Variants in ZFHX3 observed in about 807,000 individuals in gnomAD.
ZFHX3 encodes zinc finger homeobox 3.
A neutral mutation model predicts 279.1 loss-of-function variants in ZFHX3; 42 were observed. The ratio of observed to expected loss-of-function variants is 0.15; its 90% CI spans 0.12 to 0.19. The LOEUF (loss-of-function observed/expected upper bound fraction) is 0.19, where lower values mean the gene tolerates loss of function less well. Ranked by LOEUF, ZFHX3 falls within the 10% of genes least tolerant of loss-of-function variation. The pLI is 1.00. For missense variants in ZFHX3, 4,981 were observed against 4,754.0 expected (o/e 1.05, Z -1.40); for synonymous variants, 2,293 against 1,957.8 (o/e 1.17, Z -4.52).
At chr16:73,128,520 C>G (rs1053044908) in intron 7 of ZFHX3, among the ~76,000 whole-genome samples, 1 of 152,152 alleles carries the variant, frequency 6.6e-6, no homozygotes, top group African/African-American at 2.4e-5. Context: ...AACTCCAGAG[C>G]ACTTTTTCTT....
intron 4 of ZFHX3, among the ~76,000 whole-genome samples, chr16:73,286,351 A>T (rs1318337469): frequency 2.0e-5 from 3 of 152,214 alleles, no homozygotes; most frequent in Non-Finnish European, 1.5e-5. Context: ...ACAATTCAGA[A>T]CCCTATAGAT....
At chr16:72,992,787 C>T (rs974971516) in intron 1 of ZFHX3, among the ~76,000 whole-genome samples, 6 of 152,328 alleles carry the variant, frequency 3.9e-5, no homozygotes, top group East Asian at 3.9e-4. Context: ...GCCGTGCACA[C>T]GAAACTCATT....
chr16:73,856,058 A>C (rs1371047470), intron 1 of ZFHX3, among the ~76,000 whole-genome samples: 1 of 152,204 alleles, frequency 6.6e-6, no homozygotes, highest in South Asian at 2.1e-4. Flanking sequence ...AGTACCATGG[A>C]AAAATGTTTC....
At chr16:73,659,452 A>T (rs1375751813) in intron 2 of ZFHX3, among the ~76,000 whole-genome samples, 2 of 97,954 alleles carry the variant, frequency 2.0e-5, no homozygotes, top group African/African-American at 8.2e-5. Flanking sequence ...GAAGAACGGT[A>T]GCTTTCTCTC....
At chr16:73,656,002 T>C (rs773203094) in intron 2 of ZFHX3, among the ~76,000 whole-genome samples, 3 of 152,174 alleles carry the variant, frequency 2.0e-5, no homozygotes, top group Non-Finnish European at 2.9e-5. Context: ...TGTAAATAAA[T>C]GTTGGTGTAA....
rs2143382401 is a variant in ZFHX3, at chr16:72,793,624, C to T, written c.9058G>A (p.Glu3020Lys). Residue 3020 changes from glutamate (E) to lysine (K), a missense_variant, in exon 9 of 10, where the codon GAG (glutamate) becomes AAG (lysine). This residue lies in a region of ZFHX3 where 168 missense variants were observed against 249.1 expected (regional missense o/e 0.67). Transcript: ENST00000268489. This position sits in a 1 kb window ranked among gnomAD's most constrained non-coding sequence, Gnocchi z 4.3. Reference sequence around the variant, plus strand: ...AAAGTGCACTCTGTTTTGGGTCCCTCATAACTCGTTTGGTTTATACCAAAA... The same window carrying T: ...AAAGTGCACTCTGTTTTGGGTCCCTTATAACTCGTTTGGTTTATACCAAAA... ...KHFGINQTSY[E>K]GPKTECTLCG... The T allele has an allele frequency of 1.9e-6, 3 of 1,614,164 alleles. No individual in the cohort carries two copies. The highest frequency in any genetic ancestry group is 1.1e-5 in the South Asian group (1 of 91,084).
At chr16:73,678,973 C>A (rs2052983059) in intron 2 of ZFHX3, among the ~76,000 whole-genome samples, 1 of 152,180 alleles carries the variant, frequency 6.6e-6, no homozygotes, top group Non-Finnish European at 1.5e-5. Flanking sequence ...GAATCACCAA[C>A]AGGGATCAAA....
At chr16:73,866,934 G>A (rs564731017) in intron 1 of ZFHX3, among the ~76,000 whole-genome samples, 7 of 152,254 alleles carry the variant, frequency 4.6e-5, no homozygotes, top group East Asian at 3.9e-4. Flanking sequence ...GTTCTTATCC[G>A]CCAACTCCCT....
chr16:73,812,168 A>G (rs1410610685), intron 1 of ZFHX3, among the ~76,000 whole-genome samples: 1 of 152,130 alleles, frequency 6.6e-6, no homozygotes, highest in Non-Finnish European at 1.5e-5. Flanking sequence ...GACATGTCCA[A>G]AGGGCTGTAT....
intron 1 of ZFHX3, among the ~76,000 whole-genome samples, chr16:73,889,030 A>G (rs1248114974): frequency 6.6e-6 from 1 of 152,156 alleles, no homozygotes; most frequent in Non-Finnish European, 1.5e-5. Flanking sequence ...CAAATTGGCA[A>G]TGACTGCCCA....
At chr16:73,696,407 C>T (rs1015106140) in intron 1 of ZFHX3, among the ~76,000 whole-genome samples, 2 of 152,196 alleles carry the variant, frequency 1.3e-5, no homozygotes, top group Admixed American at 1.3e-4. Flanking sequence ...GAAGCTGGCA[C>T]TGTGACACAT....
rs778742848 is a variant in ZFHX3 at position 72,795,806 on chromosome 16, A to G, written c.6876T>C (p.Asn2292=). 1 of 1,614,150 alleles carries G rather than the reference A, an allele frequency of 6.2e-7. No homozygotes were observed. The highest frequency in any genetic ancestry group is 1.7e-5 in the Admixed American group (1 of 60,018). The part of the protein sequence containing the change: ...PTRVIVVWFQ[N]ARQKARKNYE... Reference sequence around the variant, plus strand: ...AATTCTTCCTGGCCTTCTGTCGGGCATTCTGAAACCACACCACTATCACTC... The same window carrying G: ...AATTCTTCCTGGCCTTCTGTCGGGCGTTCTGAAACCACACCACTATCACTC... The change falls in exon 9 of 10, where the codon AAT becomes AAC. Residue 2292 remains asparagine, a synonymous_variant. Coordinates refer to ENST00000268489, the MANE Select transcript of ZFHX3 (RefSeq NM_006885.4).
chr16:73,728,016 C>CCCCT (rs33921286), intron 1 of ZFHX3, among the ~76,000 whole-genome samples: 2 of 4,130 alleles, frequency 4.8e-4, no homozygotes, highest in South Asian at 0.016. Context: ...CCGAATTGTG[C>CCCCT]CCCCCCCCCG....
intron 2 of ZFHX3, among the ~76,000 whole-genome samples, chr16:73,519,951 A>C (rs2019584757): frequency 1.3e-5 from 2 of 152,322 alleles, no homozygotes; most frequent in South Asian, 4.1e-4. Context: ...AAGAAAACTT[A>C]TGCCTGTTTT....
At chr16:73,188,082 T>C (rs770144868) in intron 5 of ZFHX3, among the ~76,000 whole-genome samples, 257 of 152,280 alleles carry the variant, frequency 1.7e-3, no homozygotes, top group Middle Eastern at 3.4e-3. Context: ...AGGATGGTCT[T>C]GATCTCCTGA....
At chr16:73,469,639 A>T (rs1348039959) in intron 2 of ZFHX3, among the ~76,000 whole-genome samples, 2 of 151,086 alleles carry the variant, frequency 1.3e-5, no homozygotes, top group Non-Finnish European at 2.9e-5. Flanking sequence ...TTTTTTTGAG[A>T]CAGAATCTCA....
At chr16:73,444,781 T>TA (rs2143544680) in intron 3 of ZFHX3, among the ~76,000 whole-genome samples, 1 of 152,182 alleles carries the variant, frequency 6.6e-6, no homozygotes, top group South Asian at 2.1e-4. Context: ...ACACCATGCA[T>TA]GTTTATTCTG....
intron 5 of ZFHX3, among the ~76,000 whole-genome samples, chr16:73,254,458 G>C (rs1461124110): frequency 1.3e-5 from 2 of 151,998 alleles, no homozygotes; most frequent in Non-Finnish European, 2.9e-5. Flanking sequence ...TAACTGAAAA[G>C]TGTAGTCAGT....
intron 5 of ZFHX3, among the ~76,000 whole-genome samples, chr16:73,252,744 G>A (rs2013547953): frequency 6.6e-6 from 1 of 152,138 alleles, no homozygotes; most frequent in South Asian, 2.1e-4. Flanking sequence ...GTCAGGACAG[G>A]TTAAAGGGGC....
Sources: gnomAD v4.1 joint callset for allele counts (sites outside exome capture counted in the v4.1 genomes callset) on GRCh38, gnomAD v4.1.1 for gene constraint, gnomAD v4.1.1 regional missense constraint, Gnocchi (gnomAD v3.1) non-coding constraint, MANE v1.5 for transcripts, NCBI Gene and HGNC (gene_info 2026-07-23, HGNC 2026-07-21) for gene names.